The following MS4A8 variants were observed in gnomAD, a reference collection of about 807,000 sequenced individuals.
MS4A8 encodes the protein membrane spanning 4-domains A8.
MS4A8 carries 27 observed loss-of-function variants against 23.7 expected under a neutral mutation model. The ratio of observed to expected loss-of-function variants is 1.14; its 90% CI spans 0.84 to 1.57. The LOEUF is 1.57. Among genes scored for constraint, MS4A8 ranks in the 40% most tolerant of loss-of-function variants. The pLI, the probability that MS4A8 is intolerant of heterozygous loss-of-function variation, is 0.00. For missense variants in MS4A8, 301 were observed against 311.4 expected (o/e 0.97, Z 0.25); for synonymous variants, 138 against 126.3 (o/e 1.09, Z -0.62).
Position 60,712,442 on chromosome 11 carries a change from G to A in MS4A8, c.535-2579G>A, listed in dbSNP as rs77688028. On this transcript the variant is annotated intron_variant, in intron 5 of 6. Coordinates refer to ENST00000300226, the MANE Select transcript of MS4A8 (RefSeq NM_031457.2). ...AAGGGGCTAAGGAGAGGCCTCTCCAGAAGAGAGAATTCTCCAAGCATCTGG... is the reference window on the plus strand; with the variant it reads ...AAGGGGCTAAGGAGAGGCCTCTCCAAAAGAGAGAATTCTCCAAGCATCTGG... 9,800 of 985,178 alleles carry A rather than the reference G, an allele frequency of 9.9e-3. 661 individuals carry two copies. The African/African-American group carries it at 0.15, about 15-fold the overall frequency. The allele number at this position is 985,178 out of a possible 1,614,324, so 61.0% of individuals were successfully genotyped here. A position where few individuals can be genotyped will look rare whatever the true frequency, so the allele number is the denominator to read the frequency against.
chr11:60,713,737 C>A (rs1393143077), intron 5 of MS4A8, among the ~76,000 whole-genome samples: 1 of 151,990 alleles, frequency 6.6e-6, no homozygotes, highest in African/African-American at 2.4e-5. Flanking sequence ...GGCTGGGGGA[C>A]GGTCAGGTCT....
At chr11:60,714,998 C>T in intron 5 of MS4A8, 23 bp from the exon 6 acceptor site, 3 of 1,562,228 alleles carry the variant, frequency 1.9e-6, no homozygotes, top group Non-Finnish European at 2.6e-6. Flanking sequence ...TGCTCCTGTC[C>T]TCCCCATCTG....
In MS4A8 at chr11:60,708,673, C is replaced by A. The variant is rs1304535142; in HGVS notation, c.426C>A (p.Asn142Lys). The A allele has an allele frequency of 6.4e-7, 1 of 1,560,328 alleles. No homozygotes were observed. The highest frequency in any genetic ancestry group is 1.2e-5 in the South Asian group (1 of 81,234). Reference sequence around the variant, plus strand: ...AGCTGTCTGGCAGTTTGGGCTTGAACATCGTCAGTGCAATCTGCTCTGCAG... The same window carrying A: ...AGCTGTCTGGCAGTTTGGGCTTGAAAATCGTCAGTGCAATCTGCTCTGCAG... ...YCLLSGSLGL[N>K]IVSAICSAVG... Residue 142 changes from asparagine to lysine, a missense_variant, in exon 5 of 7, where the codon AAC becomes AAA. Physicochemically the swap from Asn to Lys is moderately conservative, Grantham distance 94 (BLOSUM62 0). Transcript: ENST00000300226.
intron 5 of MS4A8, among the ~76,000 whole-genome samples, chr11:60,709,854 G>T (rs2134660444): frequency 6.6e-6 from 1 of 152,226 alleles, no homozygotes; most frequent in South Asian, 2.1e-4. Context: ...CCTCTTCGTT[G>T]TACTTCCTTT....
intron 5 of MS4A8, among the ~76,000 whole-genome samples, chr11:60,713,462 GA>G (rs1400898381): frequency 1.3e-5 from 2 of 152,112 alleles, no homozygotes; most frequent in Non-Finnish European, 2.9e-5. Flanking sequence ...ACAAGGTAAA[GA>G]AAAAAGTGCT....
intron 5 of MS4A8, among the ~76,000 whole-genome samples, chr11:60,710,544 T>G (rs2088292265): frequency 1.3e-5 from 2 of 152,116 alleles, no homozygotes; most frequent in Admixed American, 1.3e-4. Flanking sequence ...CCCCAGCCCC[T>G]CTACTCCCAC....
At chr11:60,704,804 C>T (rs2134656013) in intron 3 of MS4A8, among the ~76,000 whole-genome samples, 1 of 150,580 alleles carries the variant, frequency 6.6e-6, no homozygotes, top group East Asian at 2.0e-4. Flanking sequence ...TTTGCAGTGT[C>T]CCCCTGCCCA....
At chr11:60,705,864 A>T (rs1250843463) in intron 3 of MS4A8, among the ~76,000 whole-genome samples, 2 of 152,122 alleles carry the variant, frequency 1.3e-5, no homozygotes, top group Non-Finnish European at 2.9e-5. Flanking sequence ...TTACAATGAA[A>T]ACTCCGCTGG....
chr11:60,705,136 G>A (rs1384751765), intron 3 of MS4A8, among the ~76,000 whole-genome samples: 1 of 152,200 alleles, frequency 6.6e-6, no homozygotes, highest in Non-Finnish European at 1.5e-5. Context: ...CAAATGAACA[G>A]GGCTCCTCTA....
Position 60,703,383 on chromosome 11 carries a change from C to A in MS4A8, c.225C>A (p.Ile75=). The part of the protein sequence containing the change: ...ALKEGKTLGA[I]QIIIGLAHIG... ...GCTTGTGGCTCTCCTGACAGGCCAT[C>A]CAGATCATCATTGGCCTGGCTCACA... The change falls in exon 3 of 7, where the codon ATC becomes ATA. Residue 75 remains isoleucine (I), a synonymous_variant. Transcript: ENST00000300226. 1 of 1,572,730 alleles carries A rather than the reference C, an allele frequency of 6.4e-7. No individual in the cohort carries two copies. The highest frequency in any genetic ancestry group is 8.6e-7 in the Non-Finnish European group (1 of 1,161,404).
intron 3 of MS4A8, among the ~76,000 whole-genome samples, chr11:60,704,417 G>T (rs141494003): frequency 6.6e-6 from 1 of 151,992 alleles, no homozygotes; most frequent in Admixed American, 6.6e-5. Flanking sequence ...CACCACACCC[G>T]GCCAAAAGGG....
In MS4A8 at chr11:60,715,423, A is replaced by G. The variant is rs746777428; in HGVS notation, c.*9A>G. The G allele has an allele frequency of 6.2e-7, 1 of 1,607,428 alleles. No individual in the cohort carries two copies. Among genetic ancestry groups the G allele is most frequent in the South Asian group, 1.1e-5 (1 of 90,756 alleles). Reference sequence around the variant, plus strand: ...TCCAAGCAAATAAGTAAGGCTACAGATTCTGGAAGCATCTTTCACTGGGAC... The same window carrying G: ...TCCAAGCAAATAAGTAAGGCTACAGGTTCTGGAAGCATCTTTCACTGGGAC... On this transcript the variant is annotated 3_prime_UTR_variant, in exon 7 of 7. Coordinates refer to ENST00000300226, the MANE Select transcript of MS4A8 (RefSeq NM_031457.2).
intron 5 of MS4A8, chr11:60,711,916 A>C: frequency 4.4e-6 from 2 of 454,688 alleles, no homozygotes; most frequent in South Asian, 3.1e-5. Flanking sequence ...CCATCTGAAC[A>C]TGGAGGGTCG....
intron 5 of MS4A8, among the ~76,000 whole-genome samples, chr11:60,713,986 G>T (rs897874998): frequency 7.0e-6 from 1 of 142,236 alleles, no homozygotes; most frequent in Admixed American, 7.1e-5. Context: ...CTGCAGTGGC[G>T]CAATCTCGGC....
intron 3 of MS4A8, 97 bp from the exon 4 acceptor site, chr11:60,706,891 G>A (rs543165554): frequency 1.9e-6 from 2 of 1,041,974 alleles, no homozygotes; most frequent in Non-Finnish European, 3.0e-6. Context: ...GATGGTTCCA[G>A]CAAAGGTACC....
Position 60,702,574 on chromosome 11 carries a change from T to C in MS4A8, c.220-804T>C, listed in dbSNP as rs2088214754. 5.3e-5 allele frequency among the ~76,000 whole-genome samples: 8 copies of C among 152,308 alleles called. No individual in the cohort carries two copies. The South Asian group carries it at 1.7e-3, about 32-fold the overall frequency. Reference sequence around the variant, plus strand: ...CCCACCATCATGCCGAGCTAGTTTTTGTATTTTTGTAGAGACAGGGTTTCA... The same window carrying C: ...CCCACCATCATGCCGAGCTAGTTTTCGTATTTTTGTAGAGACAGGGTTTCA... On this transcript the variant is annotated intron_variant, in intron 2 of 6. Coordinates refer to ENST00000300226, the MANE Select transcript of MS4A8 (RefSeq NM_031457.2).
At chr11:60,708,405 A>T (rs1011502126) in intron 4 of MS4A8, among the ~76,000 whole-genome samples, 1 of 152,202 alleles carries the variant, frequency 6.6e-6, no homozygotes, top group African/African-American at 2.4e-5. Context: ...GATTCACATT[A>T]AGAAACACTT....
chr11:60,706,417 G>A (rs543129079), intron 3 of MS4A8, among the ~76,000 whole-genome samples: 4 of 152,292 alleles, frequency 2.6e-5, no homozygotes, highest in African/African-American at 9.6e-5. Flanking sequence ...GTAACTAAAA[G>A]TTATTTGTCC....
At chr11:60,712,013 A>C (rs80293664) in intron 5 of MS4A8, 7,369 of 252,854 alleles carry the variant, frequency 0.029, 522 homozygotes, top group African/African-American at 0.16. Context: ...CATCAAATAA[A>C]AAAAATCTCA....
Sources: gnomAD v4.1 joint callset for allele counts (sites outside exome capture counted in the v4.1 genomes callset) on GRCh38, gnomAD v4.1.1 for gene constraint, MANE v1.5 for transcripts, NCBI Gene and HGNC (gene_info 2026-07-23, HGNC 2026-07-21) for gene names.